The following MAP2K1 variants were observed in gnomAD, a reference collection of about 807,000 sequenced individuals.
The protein encoded by MAP2K1 is mitogen-activated protein kinase kinase 1, also known as dual specificity mitogen-activated protein kinase kinase 1.
Under a neutral mutation model 46.3 loss-of-function variants are expected in MAP2K1, and 16 were observed. That is an observed-to-expected ratio of 0.35 (90% CI 0.23 to 0.52). The LOEUF is 0.52. Ranked by LOEUF, MAP2K1 falls within the 20% of genes least tolerant of loss-of-function variation. The pLI, the probability that MAP2K1 is intolerant of heterozygous loss-of-function variation, is 0.94. For synonymous variants in MAP2K1, 183 were observed against 185.6 expected (o/e 0.99, Z 0.11); for missense variants, 263 against 497.1 (o/e 0.53, Z 4.48).
At chr15:66,474,174 G>A (rs1416363497) in intron 5 of MAP2K1, among the ~76,000 whole-genome samples, 1 of 152,094 alleles carries the variant, frequency 6.6e-6, no homozygotes, top group Non-Finnish European at 1.5e-5. Context: ...GGCTTGGAAG[G>A]GAAGGAAGAA....
At chr15:66,470,094 GTTTTTTTTT>G (rs55637393) in intron 5 of MAP2K1, among the ~76,000 whole-genome samples, 2 of 76,602 alleles carry the variant, frequency 2.6e-5, no homozygotes, top group African/African-American at 4.8e-5. Flanking sequence ...TTTTTTTCTT[GTTTTTTTTT>G]TTTTTTTTTT....
chr15:66,407,502 T>A (rs2093400516), intron 1 of MAP2K1, among the ~76,000 whole-genome samples: 1 of 152,132 alleles, frequency 6.6e-6, no homozygotes, highest in Non-Finnish European at 1.5e-5. Flanking sequence ...GTGCCTCAGG[T>A]TTTTTCTCTG....
chr15:66,411,863 A>G (rs933928595), intron 1 of MAP2K1, among the ~76,000 whole-genome samples: 2 of 152,218 alleles, frequency 1.3e-5, no homozygotes, highest in African/African-American at 2.4e-5. Flanking sequence ...AGGTGCTCAT[A>G]ACAGTCCCTT....
At chr15:66,488,791 T>TG in intron 8 of MAP2K1, 1 of 226,280 alleles carries the variant, frequency 4.4e-6, no homozygotes, top group East Asian at 1.1e-4. Context: ...CCCTAGCTGT[T>TG]GCTGCCAGTA....
intron 1 of MAP2K1, among the ~76,000 whole-genome samples, chr15:66,412,453 A>G (rs753328889): frequency 2.0e-5 from 3 of 152,224 alleles, no homozygotes; most frequent in Admixed American, 6.5e-5. Flanking sequence ...TCTGGACAGG[A>G]CAGCTCTTCT....
At chr15:66,436,682 A>C in intron 2 of MAP2K1, 64 bp from the exon 3 acceptor site, 1 of 1,465,254 alleles carries the variant, frequency 6.8e-7, no homozygotes, top group Non-Finnish European at 9.6e-7. Flanking sequence ...TAACAAGACT[A>C]TATCTTTCAT....
At chr15:66,434,764 A>G (rs546394204) in intron 1 of MAP2K1, among the ~76,000 whole-genome samples, 1 of 152,354 alleles carries the variant, frequency 6.6e-6, no homozygotes, top group South Asian at 2.1e-4. Context: ...GACTTGCAGC[A>G]TACTGAGTGA....
chr15:66,489,145 G>T (rs1172683370), intron 8 of MAP2K1, 70 bp from the exon 9 acceptor site: 2 of 1,225,844 alleles, frequency 1.6e-6, no homozygotes, highest in Non-Finnish European at 2.4e-6. Flanking sequence ...GGTGGGAGGG[G>T]TGGGATGGGG....
Position 66,421,302 on chromosome 15 carries a change from A to C in MAP2K1, c.81-13725A>C, listed in dbSNP as rs2093442912. Reference sequence around the variant, plus strand: ...AGGTGCATGCCACTACACCTGGTGCATTTTTGTATTTTTTGTAGAGATAGG... The same window carrying C: ...AGGTGCATGCCACTACACCTGGTGCCTTTTTGTATTTTTTGTAGAGATAGG... On this transcript the variant is annotated intron_variant, in intron 1 of 10. Coordinates refer to ENST00000307102, the MANE Select transcript of MAP2K1 (RefSeq NM_002755.4). Among the ~76,000 whole-genome samples the C allele has an allele frequency of 2.0e-5, 3 of 151,802 alleles. No homozygotes were observed. In the South Asian group the frequency reaches 6.2e-4, roughly 32 times the overall value.
At chr15:66,463,968 G>C (rs1042539917) in intron 5 of MAP2K1, among the ~76,000 whole-genome samples, 5 of 152,204 alleles carry the variant, frequency 3.3e-5, no homozygotes, top group Non-Finnish European at 2.9e-5. Flanking sequence ...AGAGGAGGCA[G>C]TCAGATATGC....
At position 66,485,208 on chromosome 15, in the gene MAP2K1, G is replaced by A. The variant is rs2140675519; in HGVS notation, c.895+17G>A. On this transcript the variant is annotated intron_variant, in intron 7 of 10. Coordinates refer to ENST00000307102, the MANE Select transcript of MAP2K1 (RefSeq NM_002755.4). ...CCCTTAGCTGTGAGTAGCCTGGTGT[G>A]TCCCCATCTTGGACTGTTGGAGGGG... is the stretch of plus-strand genomic sequence containing the variant. The A allele has an allele frequency of 6.2e-7, 1 of 1,611,038 alleles. No homozygotes were observed. The highest frequency in any genetic ancestry group is 1.1e-5 in the South Asian group (1 of 90,950).
chr15:66,415,333 T>G, intron 1 of MAP2K1: 1 of 309,048 alleles, frequency 3.2e-6, no homozygotes. Flanking sequence ...CTTGAGAAAT[T>G]CCAAAGATTT....
intron 1 of MAP2K1, among the ~76,000 whole-genome samples, chr15:66,399,681 C>T (rs976090465): frequency 1.3e-5 from 2 of 152,336 alleles, no homozygotes; most frequent in East Asian, 3.9e-4. Flanking sequence ...ACTGCAGCCT[C>T]CACCTCCCGG....
chr15:66,458,917 G>A (rs1472851587), intron 5 of MAP2K1, among the ~76,000 whole-genome samples: 1 of 152,104 alleles, frequency 6.6e-6, no homozygotes, highest in African/African-American at 2.4e-5. Context: ...ATCCTGCTTG[G>A]AGTGTGCCTC....
At chr15:66,463,499 G>A (rs886120010) in intron 5 of MAP2K1, among the ~76,000 whole-genome samples, 2 of 31,108 alleles carry the variant, frequency 6.4e-5, no homozygotes, top group African/African-American at 2.8e-4. Flanking sequence ...ATTAATTTTT[G>A]AAACGGAGTC....
chr15:66,394,877 A>G (rs766015488), intron 1 of MAP2K1, among the ~76,000 whole-genome samples: 22 of 152,206 alleles, frequency 1.4e-4, no homozygotes, highest in Non-Finnish European at 2.6e-4. Context: ...TCATGTGAAA[A>G]AGGCCTGCTT....
At chr15:66,389,756 T>C (rs2093352559) in intron 1 of MAP2K1, among the ~76,000 whole-genome samples, 1 of 151,912 alleles carries the variant, frequency 6.6e-6, no homozygotes, top group South Asian at 2.1e-4. Flanking sequence ...TGTATTTTAA[T>C]AGAGACAGGG....
intron 5 of MAP2K1, chr15:66,453,667 T>C (rs1437653692): frequency 1.7e-6 from 1 of 589,906 alleles, no homozygotes; most frequent in Admixed American, 2.8e-5. Context: ...TCTTCACTGA[T>C]GAAATTTCAA....
At chr15:66,418,945 CT>C (rs753511565) in intron 1 of MAP2K1, among the ~76,000 whole-genome samples, 24,794 of 88,938 alleles carry the variant, frequency 0.28, 1,882 homozygotes, top group Non-Finnish European at 0.33. Flanking sequence ...TGTGCCCGGC[CT>C]TTTTTTTTTT....
Sources: allele counts gnomAD v4.1 joint callset (sites outside exome capture counted in the v4.1 genomes callset), GRCh38; gene constraint gnomAD v4.1.1; transcripts MANE v1.5; gene names NCBI Gene and HGNC (gene_info 2026-07-23, HGNC 2026-07-21).